Variants in PAMR1 observed in about 807,000 individuals in gnomAD.
PAMR1 encodes peptidase domain containing associated with muscle regeneration 1, also known as inactive serine protease PAMR1.
PAMR1 carries 88 observed loss-of-function variants against 81.8 expected under a neutral mutation model. That is an observed-to-expected ratio of 1.08 (90% CI 0.91 to 1.28). The LOEUF is 1.28. Ranked by LOEUF, PAMR1 falls within the 50% of genes most tolerant of loss-of-function variation. The pLI, the probability that PAMR1 is intolerant of heterozygous loss-of-function variation, is 0.00. For synonymous variants in PAMR1, 336 were observed against 345.3 expected (o/e 0.97, Z 0.30); for missense variants, 935 against 919.7 (o/e 1.02, Z -0.21).
In PAMR1 at chr11:35,439,764, C is replaced by T. The variant is rs1856126577; in HGVS notation, c.1034-71G>A. 21 of 1,308,452 alleles carry T rather than the reference C, an allele frequency of 1.6e-5. 1 individual carries two copies. The South Asian group carries it at 2.5e-4, about 15-fold the overall frequency. The allele number at this position is 1,308,452 out of a possible 1,614,324, so 81.1% of individuals were successfully genotyped here. A position where few individuals can be genotyped will look rare whatever the true frequency, so the allele number is the denominator to read the frequency against. ...CTGTTCATATCATTCAGTTCAGATT[C>T]ATACCTGACCCCCACTTCTGGACAC... is the stretch of plus-strand genomic sequence containing the variant. On this transcript the variant is annotated intron_variant, in intron 7 of 10. Transcript: ENST00000619888.
At chr11:35,474,030 C>T (rs1003820024) in intron 4 of PAMR1, among the ~76,000 whole-genome samples, 1 of 152,208 alleles carries the variant, frequency 6.6e-6, no homozygotes, top group Non-Finnish European at 1.5e-5. Context: ...CAGTCATGAA[C>T]GGTTCTCACA....
chr11:35,481,198 C>A (rs1191175668), intron 3 of PAMR1, among the ~76,000 whole-genome samples: 1 of 152,166 alleles, frequency 6.6e-6, no homozygotes. Context: ...TAGAAAGATT[C>A]ATATTCCTTT....
At position 35,474,317 on chromosome 11, in the gene PAMR1, T is replaced by C. The variant is rs184550181; in HGVS notation, c.494+313A>G. Among the ~76,000 whole-genome samples, 22 of 152,308 alleles carry C rather than the reference T, an allele frequency of 1.4e-4. No homozygotes were observed. In the East Asian group the frequency reaches 3.3e-3, roughly 23 times the overall value. On this transcript the variant is annotated intron_variant, in intron 4 of 10. Coordinates refer to ENST00000619888, the MANE Select transcript of PAMR1 (RefSeq NM_001001991.3). Reference sequence around the variant, plus strand: ...CTTTTATTTCTTTACATCCCTCCCATAGGAACCAGCCCAGTCCGAGTAAGT... The same window carrying C: ...CTTTTATTTCTTTACATCCCTCCCACAGGAACCAGCCCAGTCCGAGTAAGT...
chr11:35,529,433 C>T (rs1263990032), upstream of PAMR1, among the ~76,000 whole-genome samples: 1 of 152,226 alleles, frequency 6.6e-6, no homozygotes, highest in Non-Finnish European at 1.5e-5. Context: ...AGGGCCCTCT[C>T]ACCTCCTCCT....
chr11:35,463,052 C>T (rs145177721), intron 6 of PAMR1, among the ~76,000 whole-genome samples: 4 of 152,142 alleles, frequency 2.6e-5, no homozygotes, highest in Admixed American at 1.3e-4. Flanking sequence ...TGCATCTGTC[C>T]GTGATGGGAG....
At chr11:35,482,336 A>C (rs1013885428) in intron 3 of PAMR1, among the ~76,000 whole-genome samples, 1 of 152,172 alleles carries the variant, frequency 6.6e-6, no homozygotes, top group Non-Finnish European at 1.5e-5. Flanking sequence ...GTTGATGATC[A>C]GATGGTTGTA....
intron 4 of PAMR1, 21 bp downstream of exon 4, chr11:35,474,609 C>T: frequency 7.0e-7 from 1 of 1,427,786 alleles, no homozygotes; most frequent in Non-Finnish European, 9.7e-7. Flanking sequence ...AGACTCCTGA[C>T]TTCTGGCCCC....
At chr11:35,451,681 G>C (rs1205410597) in intron 6 of PAMR1, among the ~76,000 whole-genome samples, 3 of 152,178 alleles carry the variant, frequency 2.0e-5, no homozygotes, top group Admixed American at 2.0e-4. Context: ...GAATGTGTGT[G>C]TCCCTCCAAT....
chr11:35,517,531 C>CA (rs1851187884), intron 1 of PAMR1, among the ~76,000 whole-genome samples: 1 of 152,048 alleles, frequency 6.6e-6, no homozygotes. Context: ...GGTAAAAAGA[C>CA]AAAAAGAGGC....
At chr11:35,514,074 T>C (rs894082601) in intron 1 of PAMR1, among the ~76,000 whole-genome samples, 4 of 151,002 alleles carry the variant, frequency 2.6e-5, no homozygotes, top group African/African-American at 9.7e-5. Flanking sequence ...CCCACATCCA[T>C]GGAATCTGCC....
At chr11:35,512,631 C>T (rs549395774) in intron 1 of PAMR1, among the ~76,000 whole-genome samples, 22 of 152,092 alleles carry the variant, frequency 1.4e-4, no homozygotes, top group African/African-American at 4.8e-4. Flanking sequence ...TTAGTTTTCT[C>T]GTCTGTGAAA....
At chr11:35,485,625 G>T (rs996474944) in intron 3 of PAMR1, among the ~76,000 whole-genome samples, 1 of 152,186 alleles carries the variant, frequency 6.6e-6, no homozygotes, top group African/African-American at 2.4e-5. Flanking sequence ...GAATTTTAAG[G>T]TTGTCATTAG....
At chr11:35,526,623 A>C (rs778221803), upstream of PAMR1, among the ~76,000 whole-genome samples, 4 of 152,274 alleles carry the variant, frequency 2.6e-5, no homozygotes, top group Admixed American at 6.5e-5. Flanking sequence ...AACTCATCCA[A>C]GGCCACACAG....
chr11:35,444,166 C>A (rs983169176), intron 6 of PAMR1, among the ~76,000 whole-genome samples: 1 of 152,110 alleles, frequency 6.6e-6, no homozygotes, highest in African/African-American at 2.4e-5. Flanking sequence ...AGTGTCTGTT[C>A]ATGTCCTTGG....
intron 1 of PAMR1, among the ~76,000 whole-genome samples, chr11:35,499,809 C>A (rs1336611187): frequency 6.6e-6 from 1 of 152,070 alleles, no homozygotes; most frequent in Admixed American, 6.5e-5. Context: ...AGGGAATGAC[C>A]CCAGGGAATC....
intron 6 of PAMR1, among the ~76,000 whole-genome samples, chr11:35,444,932 G>C (rs1856258876): frequency 6.6e-6 from 1 of 152,194 alleles, no homozygotes; most frequent in Admixed American, 6.5e-5. Context: ...ACTTTGGGCA[G>C]TATGGCCATT....
intron 6 of PAMR1, among the ~76,000 whole-genome samples, chr11:35,458,579 C>A (rs1240928210): frequency 1.3e-5 from 2 of 152,114 alleles, no homozygotes; most frequent in Admixed American, 6.6e-5. Context: ...AGAGTTCCAG[C>A]AAAGGAAACA....
At chr11:35,525,839 G>A (rs1851377450), upstream of PAMR1, 4 of 550,546 alleles carry the variant, frequency 7.3e-6, no homozygotes, top group Admixed American at 1.2e-4. Flanking sequence ...CTGGAGACCC[G>A]CGGACGGCGG....
At chr11:35,495,193 A>G (rs1279270088) in intron 1 of PAMR1, among the ~76,000 whole-genome samples, 1 of 152,254 alleles carries the variant, frequency 6.6e-6, no homozygotes, top group Non-Finnish European at 1.5e-5. Context: ...TGCCATTTTC[A>G]TAGTACCTTC....
Sources: allele counts gnomAD v4.1 joint callset (sites outside exome capture counted in the v4.1 genomes callset), GRCh38; gene constraint gnomAD v4.1.1; transcripts MANE v1.5; gene names NCBI Gene and HGNC (gene_info 2026-07-23, HGNC 2026-07-21).